Variants in MAPK9 observed in about 807,000 individuals in gnomAD.
The protein encoded by MAPK9 is mitogen-activated protein kinase 9, also known as Jun kinase.
A neutral mutation model predicts 57.1 loss-of-function variants in MAPK9; 30 were observed. That is an observed-to-expected ratio of 0.53 (90% CI 0.39 to 0.71). MAPK9 has a LOEUF of 0.71. MAPK9 is among the 30% of genes least tolerant of loss of function. MAPK9 has a pLI of 0.00. For missense variants in MAPK9, 362 were observed against 521.0 expected (o/e 0.69, Z 2.97); for synonymous variants, 155 against 177.0 (o/e 0.88, Z 0.99).
intron 5 of MAPK9, among the ~76,000 whole-genome samples, chr5:180,251,711 C>G (rs1197317115): frequency 1.3e-5 from 2 of 152,118 alleles, no homozygotes; most frequent in African/African-American, 4.8e-5. Context: ...ACAAAGAAGA[C>G]AAATGCCAAG....
At chr5:180,279,805 G>T in intron 2 of MAPK9, 1 of 456,370 alleles carries the variant, frequency 2.2e-6, no homozygotes, top group Non-Finnish European at 4.4e-6. Context: ...CCTTGAGCTG[G>T]CCCGTGATGC....
At chr5:180,288,833 A>G (rs373426527) in intron 1 of MAPK9, among the ~76,000 whole-genome samples, 25 of 152,368 alleles carry the variant, frequency 1.6e-4, no homozygotes, top group African/African-American at 6.0e-4. Flanking sequence ...GTGCAAGTGG[A>G]TACCATTAGA....
chr5:180,251,964 C>T (rs1758755211), intron 5 of MAPK9, among the ~76,000 whole-genome samples: 2 of 152,152 alleles, frequency 1.3e-5, no homozygotes, highest in Admixed American at 1.3e-4. Context: ...CCACAGGTAC[C>T]TGTGGCCACC....
At position 180,247,583 on chromosome 5, in the gene MAPK9, C is replaced by T; in HGVS notation, c.617-73G>A. 7.7e-7 allele frequency: 1 copy of T among 1,298,054 alleles called. No homozygotes were observed. The highest frequency in any genetic ancestry group is 1.1e-6 in the Non-Finnish European group (1 of 905,908). 80.4% of individuals were successfully genotyped at this position (1,298,054 alleles called of 1,614,324 possible). ...CAAAAGTGAGGAAAAGGAATTCTAA[C>T]AGTGCACTAAACACACAAATATGGA... On this transcript the variant is annotated intron_variant, in intron 6 of 11. Transcript: ENST00000452135. The surrounding 1 kb of genome is among the most constrained non-coding windows in gnomAD (Gnocchi z 4.5).
In MAPK9 at chr5:180,241,157, T is replaced by C; in HGVS notation, c.872-2A>G. Reference sequence around the variant, plus strand: ...ATAACAGATCTCTGGCTTGACTTGCTAGGGTGACAACAAATATTAAATTAA... The same window carrying C: ...ATAACAGATCTCTGGCTTGACTTGCCAGGGTGACAACAAATATTAAATTAA... On this transcript the variant is annotated splice_acceptor_variant, in intron 8 of 11. Coordinates refer to ENST00000452135, the MANE Select transcript of MAPK9 (RefSeq NM_002752.5). LOFTEE classifies it high-confidence loss of function. 6.2e-7 allele frequency: 1 copy of C among 1,610,554 alleles called. No individual in the cohort carries two copies. Among genetic ancestry groups the C allele is most frequent in the Non-Finnish European group, 8.5e-7 (1 of 1,178,650 alleles).
At chr5:180,264,191 T>C (rs1760298197) in intron 4 of MAPK9, among the ~76,000 whole-genome samples, 1 of 152,178 alleles carries the variant, frequency 6.6e-6, no homozygotes, top group African/African-American at 2.4e-5. Flanking sequence ...GCTTTCCTCA[T>C]TTATCATGTG....
intron 10 of MAPK9, among the ~76,000 whole-genome samples, 162 bp from the exon 11 acceptor site, chr5:180,238,565 T>C (rs1581159624): frequency 6.6e-6 from 1 of 151,716 alleles, no homozygotes; most frequent in African/African-American, 2.4e-5. Flanking sequence ...TGGACCAAAA[T>C]ATTCATATTT....
chr5:180,279,092 G>C (rs1722075456), intron 2 of MAPK9, among the ~76,000 whole-genome samples: 1 of 151,800 alleles, frequency 6.6e-6, no homozygotes, highest in Admixed American at 6.6e-5. Flanking sequence ...CGAGTAGCTG[G>C]GACTACGGGT....
intron 5 of MAPK9, among the ~76,000 whole-genome samples, chr5:180,261,464 A>C (rs1759953830): frequency 6.6e-6 from 1 of 152,238 alleles, no homozygotes; most frequent in African/African-American, 2.4e-5. Flanking sequence ...TCTGACTGAG[A>C]GCGCAGTACC....
Position 180,234,650 on chromosome 5 carries a change from A to G in MAPK9, c.*1734T>C, listed in dbSNP as rs1387955621. 1 of 152,238 alleles carries G rather than the reference A, an allele frequency of 6.6e-6. No individual in the cohort carries two copies. Among genetic ancestry groups the G allele is most frequent in the Non-Finnish European group, 1.5e-5 (1 of 68,034 alleles). 9.4% of individuals were successfully genotyped at this position (152,238 alleles called of 1,614,324 possible). On this transcript the variant is annotated 3_prime_UTR_variant, in exon 12 of 12. Transcript: ENST00000452135. ...AAGAAAGTGTATTACAGAGAAGGCC[A>G]TTTTAAGATGTTTAGATAGATAGCC... is the stretch of plus-strand genomic sequence containing the variant.
intron 3 of MAPK9, among the ~76,000 whole-genome samples, chr5:180,267,976 C>T (rs926732127): frequency 6.6e-6 from 1 of 152,078 alleles, no homozygotes; most frequent in Non-Finnish European, 1.5e-5. Context: ...CATTCTCCCA[C>T]CTCACCCTCC....
intron 2 of MAPK9, among the ~76,000 whole-genome samples, chr5:180,278,787 T>G (rs1581294597): frequency 9.8e-6 from 1 of 102,402 alleles, no homozygotes; most frequent in Non-Finnish European, 2.7e-5. Context: ...TCTTGCCCCC[T>G]CTCTCCTTTT....
At chr5:180,289,362 AG>A (rs1018332042) in intron 1 of MAPK9, among the ~76,000 whole-genome samples, 1 of 152,222 alleles carries the variant, frequency 6.6e-6, no homozygotes, top group African/African-American at 2.4e-5. Context: ...CTGTCAAAAG[AG>A]AAGTCTATGC....
chr5:180,265,725 C>T (rs1309060646), intron 3 of MAPK9, among the ~76,000 whole-genome samples: 2 of 152,300 alleles, frequency 1.3e-5, no homozygotes, highest in Middle Eastern at 3.4e-3. Context: ...AGTCCCACGG[C>T]TTAGGCACCA....
intron 3 of MAPK9, among the ~76,000 whole-genome samples, chr5:180,267,179 G>A (rs367704842): frequency 9.9e-5 from 15 of 152,088 alleles, no homozygotes; most frequent in Admixed American, 7.2e-4. Context: ...TGTGGGTGGC[G>A]GTATTCAGGA....
intron 5 of MAPK9, among the ~76,000 whole-genome samples, chr5:180,256,568 G>T (rs1759308881): frequency 2.0e-5 from 3 of 152,224 alleles, no homozygotes; most frequent in African/African-American, 7.2e-5. Context: ...CAAGGTGACA[G>T]GGAGGAGAGG....
intron 7 of MAPK9, among the ~76,000 whole-genome samples, chr5:180,244,376 A>G (rs1003523423): frequency 7.9e-5 from 12 of 152,148 alleles, no homozygotes; most frequent in African/African-American, 2.9e-4. Flanking sequence ...ACATTCCACC[A>G]CGTTGGTAAA....
At chr5:180,285,124 A>G (rs1393973391) in intron 1 of MAPK9, among the ~76,000 whole-genome samples, 2 of 152,234 alleles carry the variant, frequency 1.3e-5, no homozygotes, top group Non-Finnish European at 2.9e-5. Flanking sequence ...GGCTAGAGGC[A>G]TGAGAGTGGG....
At chr5:180,242,017 T>G (rs1385810923) in intron 8 of MAPK9, among the ~76,000 whole-genome samples, 1 of 152,140 alleles carries the variant, frequency 6.6e-6, no homozygotes, top group East Asian at 1.9e-4. Flanking sequence ...GATTGGTATT[T>G]AGGAAAAAGA....
Sources: allele counts gnomAD v4.1 joint callset (sites outside exome capture counted in the v4.1 genomes callset), GRCh38; gene constraint gnomAD v4.1.1; non-coding constraint Gnocchi (gnomAD v3.1); transcripts MANE v1.5; gene names NCBI Gene and HGNC (gene_info 2026-07-23, HGNC 2026-07-21).